Variants in TIRAP observed in about 807,000 individuals in gnomAD.
TIRAP encodes toll/interleukin-1 receptor domain-containing adapter protein.
TIRAP carries 20 observed loss-of-function variants against 19.8 expected under a neutral mutation model. The observed-to-expected ratio is 1.01, with a 90% confidence interval of 0.71 to 1.47. The LOEUF (loss-of-function observed/expected upper bound fraction) is 1.47, where lower values mean the gene tolerates loss of function less well. Among genes scored for constraint, TIRAP ranks in the 40% most tolerant of loss-of-function variants. TIRAP has a pLI of 0.00. For synonymous variants in TIRAP, 125 were observed against 121.7 expected (o/e 1.03, Z -0.18); for missense variants, 276 against 285.1 (o/e 0.97, Z 0.23).
rs1203634034 is a variant in TIRAP, at chr11:126,290,900, A to G, written c.6A>G (p.Ala2=). 8 of 1,605,392 alleles carry G rather than the reference A, an allele frequency of 5.0e-6. No homozygotes were observed. Among genetic ancestry groups the G allele is most frequent in the African/African-American group, 1.3e-5 (1 of 74,824 alleles). M[A]SSTSLPAPGS... is the part of the protein sequence containing the mutation. The stretch of plus-strand genomic sequence containing the variant: ...CTAGTTTTGACCCCCACGCTATGGC[A>G]TCATCGACCTCCCTCCCAGCTCCTG... Residue 2 remains alanine (A), a synonymous_variant, in exon 3 of 5, where the codon GCA becomes GCG. Coordinates refer to ENST00000392679, the MANE Select transcript of TIRAP (RefSeq NM_001318777.2). The surrounding 1 kb of genome is among the most constrained non-coding windows in gnomAD (Gnocchi z 4.9).
Position 126,294,002 on chromosome 11 carries a change from T to G in TIRAP, c.*315T>G. ...AATTGGAGGTGGTAGGAAGTGGTACTGATCAATGATGGCCAGCAGGACTCA... is the reference window on the plus strand; with the variant it reads ...AATTGGAGGTGGTAGGAAGTGGTACGGATCAATGATGGCCAGCAGGACTCA... On this transcript the variant is annotated 3_prime_UTR_variant, in exon 5 of 5. Transcript: ENST00000392679. The G allele has an allele frequency of 2.4e-6, 1 of 414,390 alleles. No individual in the cohort carries two copies. The highest frequency in any genetic ancestry group is 4.5e-6 in the Non-Finnish European group (1 of 222,100). 25.7% of individuals were successfully genotyped at this position (414,390 alleles called of 1,614,324 possible). A position where few individuals can be genotyped will look rare whatever the true frequency, so the allele number is the denominator to read the frequency against.
At chr11:126,284,853 CA>C (rs34033281) in intron 1 of TIRAP, among the ~76,000 whole-genome samples, 40,798 of 119,070 alleles carry the variant, frequency 0.34, 6,337 homozygotes, top group Non-Finnish European at 0.43. Flanking sequence ...GACTCCGTCT[CA>C]AAAAAAAAAA....
At position 126,291,619 on chromosome 11, in the gene TIRAP, A is replaced by G. The variant is rs576166186; in HGVS notation, c.67+658A>G. On this transcript the variant is annotated intron_variant, in intron 3 of 4. Transcript: ENST00000392679. This position sits in a 1 kb window ranked among gnomAD's most constrained non-coding sequence, Gnocchi z 5.6. ...CTGCTCCTCAGCAACTCTGAGCAGT[A>G]GCCTCTTCCCCATTTAGCGACAATC... The G allele has an allele frequency of 8.7e-5, 38 of 436,638 alleles. No individual in the cohort carries two copies. The highest frequency in any genetic ancestry group is 7.3e-4 in the African/African-American group (36 of 49,482). The allele number at this position is 436,638 out of a possible 1,614,324, so 27.0% of individuals were successfully genotyped here.
Position 126,290,094 on chromosome 11 carries a change from A to G in TIRAP, c.-216-368A>G, listed in dbSNP as rs1951362606. Among the ~76,000 whole-genome samples the G allele has an allele frequency of 6.6e-6, 1 of 152,226 alleles. No individual in the cohort carries two copies. The highest frequency in any genetic ancestry group is 2.1e-4 in the South Asian group (1 of 4,828). The stretch of plus-strand genomic sequence containing the variant: ...AAGCATTTATTACATGCCAGGCACC[A>G]TTAGGACTTTACATAAATGATTTCA... On this transcript the variant is annotated intron_variant, in intron 1 of 4. Transcript: ENST00000392679. This position sits in a 1 kb window ranked among gnomAD's most constrained non-coding sequence, Gnocchi z 4.9.
Position 126,287,527 on chromosome 11 carries a change from G to A in TIRAP, c.-216-2935G>A, listed in dbSNP as rs1449915326. On this transcript the variant is annotated intron_variant, in intron 1 of 4. Transcript: ENST00000392679. This position sits in a 1 kb window ranked among gnomAD's most constrained non-coding sequence, Gnocchi z 4.2. ...GTAGAGACAGGGTTTCACCATGTTG[G>A]CCAGGCTGATCTCAAATTCCTGACC... Among the ~76,000 whole-genome samples the A allele has an allele frequency of 6.6e-6, 1 of 151,976 alleles. No individual in the cohort carries two copies. Among genetic ancestry groups the A allele is most frequent in the Non-Finnish European group, 1.5e-5 (1 of 68,002 alleles).
At position 126,293,539 on chromosome 11, in the gene TIRAP, G is replaced by A. The variant is rs573312624; in HGVS notation, c.647-129G>A. 8.3e-5 allele frequency: 90 copies of A among 1,088,780 alleles called. 1 individual carries two copies. The South Asian group carries it at 1.1e-3, about 13-fold the overall frequency. The allele number at this position is 1,088,780 out of a possible 1,614,324, so 67.4% of individuals were successfully genotyped here. On this transcript the variant is annotated intron_variant, in intron 4 of 4. Transcript: ENST00000392679. ...GAAAGAAGTGCATATAAGTGTATCT[G>A]GGGAGGGCCATGCTATTGCAGTAGG... is the stretch of plus-strand genomic sequence containing the variant.
intron 1 of TIRAP, among the ~76,000 whole-genome samples, chr11:126,284,123 G>T (rs958123981): frequency 1.4e-5 from 2 of 140,750 alleles, no homozygotes; most frequent in Non-Finnish European, 3.0e-5. Flanking sequence ...TGCAGCCTCC[G>T]CCTTGTGGGT....
chr11:126,289,760 C>T (rs1297392242), intron 1 of TIRAP: 1 of 985,314 alleles, frequency 1.0e-6, no homozygotes, highest in African/African-American at 1.7e-5. Context: ...AGGCTCTGCT[C>T]CACAGAAACT....
chr11:126,293,653 A>C lies in TIRAP; in HGVS notation c.647-15A>C. 1 of 1,614,022 alleles carries C rather than the reference A, an allele frequency of 6.2e-7. No individual in the cohort carries two copies. Among genetic ancestry groups the C allele is most frequent in the African/African-American group, 1.3e-5 (1 of 75,056 alleles). ...GTTTGGGAGGTGTGACAACGCTGTGATTGGTCTCTTTCAGATCTGCAGACA... is the reference window on the plus strand; with the variant it reads ...GTTTGGGAGGTGTGACAACGCTGTGCTTGGTCTCTTTCAGATCTGCAGACA... On this transcript the variant is annotated splice_polypyrimidine_tract_variant and intron_variant, in intron 4 of 4. Coordinates refer to ENST00000392679, the MANE Select transcript of TIRAP (RefSeq NM_001318777.2).
Position 126,291,353 on chromosome 11 carries a change from G to A in TIRAP, c.67+392G>A, listed in dbSNP as rs1372697346. On this transcript the variant is annotated intron_variant, in intron 3 of 4. Transcript: ENST00000392679. This position sits in a 1 kb window ranked among gnomAD's most constrained non-coding sequence, Gnocchi z 5.6. ...ACTATCTGTCCTTATCAAAGGCTGG[G>A]GAAGCTGTTTTCATCTCCTTATGGA... 4 of 930,906 alleles carry A rather than the reference G, an allele frequency of 4.3e-6. No individual in the cohort carries two copies. The African/African-American group carries it at 5.1e-5, about 12-fold the overall frequency. 57.7% of individuals were successfully genotyped at this position (930,906 alleles called of 1,614,324 possible). A position where few individuals can be genotyped will look rare whatever the true frequency, so the allele number is the denominator to read the frequency against.
chr11:126,292,616 G>C lies in TIRAP; in HGVS notation c.207G>C (p.Leu69=), dbSNP rs374470306. The change falls in exon 4 of 5, where the codon CTG becomes CTC. Residue 69 remains leucine (L), a synonymous_variant. Transcript: ENST00000392679. Reference sequence around the variant, plus strand: ...TCAGCTCAGTCACGTCTCCCAGCCTGCCACCCACACATGCGAGTGACAGTG... The same window carrying C: ...TCAGCTCAGTCACGTCTCCCAGCCTCCCACCCACACATGCGAGTGACAGTG... ...PSLSSVTSPS[L]PPTHASDSGS... The C allele has an allele frequency of 3.1e-6, 5 of 1,614,162 alleles. No homozygotes were observed. Among genetic ancestry groups the C allele is most frequent in the Non-Finnish European group, 4.2e-6 (5 of 1,180,024 alleles).
intron 1 of TIRAP, among the ~76,000 whole-genome samples, chr11:126,286,861 G>A (rs919888903): frequency 1.3e-5 from 2 of 152,190 alleles, no homozygotes; most frequent in African/African-American, 4.8e-5. Flanking sequence ...GGGTCAGCAA[G>A]GCCGTGCTCC....
At chr11:126,285,813 G>A (rs1269235796) in intron 1 of TIRAP, among the ~76,000 whole-genome samples, 1 of 149,582 alleles carries the variant, frequency 6.7e-6, no homozygotes, top group Admixed American at 6.7e-5. Flanking sequence ...TGAGGTGGGC[G>A]GATCACTTGA....
At chr11:126,292,433 G>A (rs1161981831) in intron 3 of TIRAP, 44 bp from the exon 4 acceptor site, 3 of 1,601,574 alleles carry the variant, frequency 1.9e-6, no homozygotes, top group Admixed American at 1.7e-5. Flanking sequence ...CAGTGAGAGG[G>A]CACCTGGTAA....
intron 3 of TIRAP, 130 bp from the exon 4 acceptor site, chr11:126,292,347 A>G (rs1039786703): frequency 2.2e-6 from 2 of 918,588 alleles, no homozygotes; most frequent in Non-Finnish European, 3.2e-6. Flanking sequence ...TCTGAGAATA[A>G]GATGTTTCCC....
Position 126,292,301 on chromosome 11 carries a change from C to CAAAAA in TIRAP, c.68-162_68-158dup, listed in dbSNP as rs33948579. Among the ~76,000 whole-genome samples the CAAAAA allele has an allele frequency of 1.1e-3, 132 of 118,104 alleles. 2 individuals are homozygous for CAAAAA. The highest frequency in any genetic ancestry group is 3.8e-3 in the African/African-American group (112 of 29,744). The allele number at this position is 118,104 out of a possible 152,430, so 77.5% of individuals were successfully genotyped here. A position where few individuals can be genotyped will look rare whatever the true frequency, so the allele number is the denominator to read the frequency against. ...CCTGGGTGAGAGTGAGACTCTGCCT[C>CAAAAA]AAAAAAAAAAAAAAAAAATAGTGGA... On this transcript the variant is annotated intron_variant, in intron 3 of 4. Transcript: ENST00000392679.
intron 1 of TIRAP, among the ~76,000 whole-genome samples, chr11:126,285,502 C>T (rs867770674): frequency 1.1e-4 from 17 of 151,208 alleles, no homozygotes; most frequent in South Asian, 6.3e-4. Flanking sequence ...CCTAGTTATC[C>T]GCCCGCCTCG....
At chr11:126,293,505 A>G in intron 4 of TIRAP, 163 bp from the exon 5 acceptor site, 1 of 906,022 alleles carries the variant, frequency 1.1e-6, no homozygotes, top group East Asian at 2.4e-5. Flanking sequence ...AAATGATGCA[A>G]AATAATAGGA....
intron 1 of TIRAP, among the ~76,000 whole-genome samples, chr11:126,284,329 C>T (rs757747812): frequency 2.6e-5 from 4 of 152,184 alleles, no homozygotes; most frequent in Non-Finnish European, 4.4e-5. Flanking sequence ...CCACTGCGCC[C>T]AGCCCTTCAT....
Sources: gnomAD v4.1 joint callset for allele counts (sites outside exome capture counted in the v4.1 genomes callset) on GRCh38, gnomAD v4.1.1 for gene constraint, Gnocchi (gnomAD v3.1) non-coding constraint, MANE v1.5 for transcripts, NCBI Gene and HGNC (gene_info 2026-07-23, HGNC 2026-07-21) for gene names.